The following LCP1 variants were observed in gnomAD, a reference collection of about 807,000 sequenced individuals.
The protein encoded by LCP1 is lymphocyte cytosolic protein 1, also known as plastin-2.
In LCP1, 23 loss-of-function variants were observed where a neutral mutation model predicts 72.0. That is an observed-to-expected ratio of 0.32 (90% CI 0.23 to 0.45). The LOEUF is 0.45. Among genes scored for constraint, LCP1 ranks in the 20% least tolerant of loss-of-function variants. The pLI is 1.00. For synonymous variants in LCP1, 245 were observed against 275.4 expected (o/e 0.89, Z 1.09); for missense variants, 571 against 748.3 (o/e 0.76, Z 2.76).
At chr13:46,165,625 G>C (rs1210498332) in intron 1 of LCP1, among the ~76,000 whole-genome samples, 1 of 152,112 alleles carries the variant, frequency 6.6e-6, no homozygotes, top group African/African-American at 2.4e-5. Context: ...ATAAGTGAGT[G>C]GTTTCTTCAG....
chr13:46,178,226 A>G (rs904371589), intron 1 of LCP1, among the ~76,000 whole-genome samples: 6 of 152,200 alleles, frequency 3.9e-5, no homozygotes, highest in African/African-American at 1.4e-4. Context: ...GATTCAATGT[A>G]AGTATTAACG....
chr13:46,145,967 G>A (rs1198641743), intron 10 of LCP1, among the ~76,000 whole-genome samples: 4 of 151,058 alleles, frequency 2.6e-5, no homozygotes. Flanking sequence ...GGGATGGGAG[G>A]TGGGCTGGAA....
At chr13:46,158,383 C>T (rs890758700) in intron 4 of LCP1, 139 bp downstream of exon 4, 5 of 854,862 alleles carry the variant, frequency 5.8e-6, no homozygotes, top group Admixed American at 2.8e-5. Context: ...CCAGAACTGA[C>T]CCACTTAGTC....
At chr13:46,138,091 C>T (rs12585380) in intron 13 of LCP1, among the ~76,000 whole-genome samples, 1 of 152,310 alleles carries the variant, frequency 6.6e-6, no homozygotes, top group South Asian at 2.1e-4. Flanking sequence ...TGCTGGCAGC[C>T]TGCTTGCTTC....
intron 8 of LCP1, chr13:46,148,660 T>A: frequency 2.0e-6 from 1 of 507,956 alleles, no homozygotes; most frequent in Non-Finnish European, 3.3e-6. Context: ...AGCGTAACAA[T>A]AAAATAGACA....
chr13:46,135,664 C>T (rs981310232), intron 13 of LCP1, among the ~76,000 whole-genome samples: 3 of 151,924 alleles, frequency 2.0e-5, no homozygotes, highest in Non-Finnish European at 4.4e-5. Flanking sequence ...TCGTAAGTCT[C>T]CCTCAAATCA....
chr13:46,134,403 CA>C (rs1413146818), intron 13 of LCP1, among the ~76,000 whole-genome samples, 153 bp from the exon 14 acceptor site: 1 of 152,066 alleles, frequency 6.6e-6, no homozygotes, highest in Non-Finnish European at 1.5e-5. Flanking sequence ...CATATTACAA[CA>C]TTAGTTCCTT....
chr13:46,156,752 GAGTCTGTGT>G (rs2045803784), intron 4 of LCP1, among the ~76,000 whole-genome samples, 182 bp from the exon 5 acceptor site: 1 of 151,954 alleles, frequency 6.6e-6, no homozygotes, highest in Non-Finnish European at 1.5e-5. Context: ...AATAGGCATT[GAGTCTGTGT>G]ACTCCAAGTC....
At chr13:46,128,364 C>T (rs1469318499) in intron 15 of LCP1, among the ~76,000 whole-genome samples, 4 of 152,240 alleles carry the variant, frequency 2.6e-5, no homozygotes, top group East Asian at 3.9e-4. Flanking sequence ...TTCGGGTGGC[C>T]GAGGCGGGTG....
chr13:46,151,750 G>A (rs572854159), intron 7 of LCP1, among the ~76,000 whole-genome samples: 1 of 152,184 alleles, frequency 6.6e-6, no homozygotes, highest in Non-Finnish European at 1.5e-5. Flanking sequence ...ATTGGTTATT[G>A]TGATTTGGAC....
chr13:46,167,296 C>T (rs1440534461), intron 1 of LCP1, among the ~76,000 whole-genome samples: 2 of 152,208 alleles, frequency 1.3e-5, no homozygotes, highest in Non-Finnish European at 2.9e-5. Flanking sequence ...TTGACCACTA[C>T]ACCGAGGGGC....
intron 15 of LCP1, 27 bp from the exon 16 acceptor site, chr13:46,127,750 A>C (rs762853992): frequency 1.2e-6 from 2 of 1,613,710 alleles, no homozygotes; most frequent in South Asian, 2.2e-5. Flanking sequence ...AGGAAAAATA[A>C]GGAGAGCCTG....
At chr13:46,154,311 G>C (rs1442327763) in intron 6 of LCP1, among the ~76,000 whole-genome samples, 1 of 152,090 alleles carries the variant, frequency 6.6e-6, no homozygotes, top group Non-Finnish European at 1.5e-5. Context: ...TAAAATATTG[G>C]AACACAACAC....
At chr13:46,131,486 C>G (rs2045633793) in intron 14 of LCP1, among the ~76,000 whole-genome samples, 1 of 152,132 alleles carries the variant, frequency 6.6e-6, no homozygotes, top group South Asian at 2.1e-4. Flanking sequence ...CCATTTGAAC[C>G]AGCAATCCCA....
At chr13:46,179,107 C>T (rs2045945211) in intron 1 of LCP1, among the ~76,000 whole-genome samples, 2 of 152,120 alleles carry the variant, frequency 1.3e-5, no homozygotes, top group Admixed American at 6.6e-5. Flanking sequence ...AGTTTTGGCC[C>T]AACCAATGTA....
At chr13:46,161,474 A>G (rs1343084415) in intron 1 of LCP1, among the ~76,000 whole-genome samples, 1 of 152,156 alleles carries the variant, frequency 6.6e-6, no homozygotes, top group Non-Finnish European at 1.5e-5. Flanking sequence ...TAAAAATACA[A>G]TCTCACTAAC....
chr13:46,128,926 C>G (rs1478446303), intron 15 of LCP1, among the ~76,000 whole-genome samples: 1 of 100,514 alleles, frequency 9.9e-6, no homozygotes, highest in Non-Finnish European at 2.3e-5. Flanking sequence ...CCCAAGCCCA[C>G]ATTTACTACC....
Position 46,148,438 on chromosome 13 carries a change from CT to C in LCP1, c.891del (p.Ala298LeufsTer65). 6.2e-7 allele frequency: 1 copy of C among 1,605,174 alleles called. No individual in the cohort carries two copies. On this transcript the variant is annotated frameshift_variant, in exon 9 of 16. Coordinates refer to ENST00000323076, the MANE Select transcript of LCP1 (RefSeq NM_002298.5). LOFTEE classifies it high-confidence loss of function. Reference protein sequence around the residue: ...GNFSTDIKDSKAYYHLLEQVA... With the variant: ...GNFSTDIKDSXAYYHLLEQVA... The stretch of plus-strand genomic sequence containing the variant: ...ACCTGCTCAAGCAGGTGGTAATAAG[CT>C]TTTGAGTCCTGTGAGAAATTAAGAA...
chr13:46,163,859 C>T (rs1289509220), intron 1 of LCP1, among the ~76,000 whole-genome samples: 1 of 152,200 alleles, frequency 6.6e-6, no homozygotes, highest in East Asian at 1.9e-4. Context: ...TAGGTCTCTT[C>T]TATACCCTCT....
Sources: allele counts gnomAD v4.1 joint callset (sites outside exome capture counted in the v4.1 genomes callset), GRCh38; gene constraint gnomAD v4.1.1; transcripts MANE v1.5; gene names NCBI Gene and HGNC (gene_info 2026-07-23, HGNC 2026-07-21).